MS4A8: variants seen among roughly 807,000 people sequenced by gnomAD.
MS4A8 encodes the protein membrane spanning 4-domains A8.
Under a neutral mutation model 23.7 loss-of-function variants are expected in MS4A8, and 27 were observed. That is an observed-to-expected ratio of 1.14 (90% CI 0.84 to 1.57). The LOEUF (loss-of-function observed/expected upper bound fraction) is 1.57, where lower values mean the gene tolerates loss of function less well. Among genes scored for constraint, MS4A8 ranks in the 40% most tolerant of loss-of-function variants. The pLI is 0.00. For missense variants in MS4A8, 301 were observed against 311.4 expected (o/e 0.97, Z 0.25); for synonymous variants, 138 against 126.3 (o/e 1.09, Z -0.62).
At chr11:60,714,518 AACC>A (rs2088325978) in intron 5 of MS4A8, among the ~76,000 whole-genome samples, 1 of 152,184 alleles carries the variant, frequency 6.6e-6, no homozygotes, top group Non-Finnish European at 1.5e-5. Context: ...GAGCCCAGCA[AACC>A]ACTGATTACT....
intron 3 of MS4A8, among the ~76,000 whole-genome samples, chr11:60,706,560 A>G (rs1023943190): frequency 5.9e-5 from 9 of 152,328 alleles, no homozygotes; most frequent in Admixed American, 5.2e-4. Flanking sequence ...TTGGAAAACA[A>G]TAGGGTGTAC....
intron 1 of MS4A8, among the ~76,000 whole-genome samples, chr11:60,700,335 C>T (rs1205772581): frequency 6.6e-6 from 1 of 152,194 alleles, no homozygotes; most frequent in Non-Finnish European, 1.5e-5. Context: ...CGCCTGAGGT[C>T]AGGAGTTCGA....
chr11:60,711,567 C>T (rs1055499996), intron 5 of MS4A8, among the ~76,000 whole-genome samples: 2 of 152,206 alleles, frequency 1.3e-5, no homozygotes, highest in Admixed American at 1.3e-4. Context: ...CTCTCACTCA[C>T]CCTGAACCCC....
rs35956659 is a variant in MS4A8, at chr11:60,703,441, G to C, written c.283G>C (p.Val95Leu). 71 of 1,607,270 alleles carry C rather than the reference G, an allele frequency of 4.4e-5. No individual in the cohort carries two copies. The highest frequency in any genetic ancestry group is 8.9e-5 in the South Asian group (8 of 89,722). ...GLGSIMATVLVGEYLSISFYG... is the reference protein window; with the variant it reads ...GLGSIMATVLLGEYLSISFYG... ...CGGCTCCATCATGGCGACGGTTCTC[G>C]TAGGGGAATACCTGTCTATTTCATT... is the stretch of plus-strand genomic sequence containing the variant. Residue 95 changes from valine to leucine, a missense_variant, in exon 3 of 7, where the codon GTA becomes CTA. By Grantham distance (32) the Val-to-Leu change is conservative. Transcript: ENST00000300226.
intron 4 of MS4A8, 85 bp downstream of exon 4, chr11:60,707,132 C>A: frequency 8.1e-7 from 1 of 1,228,872 alleles, no homozygotes; most frequent in Non-Finnish European, 1.2e-6. Context: ...ACATACGATT[C>A]CTCCCCCAGC....
chr11:60,706,251 C>T (rs1186839067), intron 3 of MS4A8, among the ~76,000 whole-genome samples: 1 of 152,314 alleles, frequency 6.6e-6, no homozygotes, highest in African/African-American at 2.4e-5. Flanking sequence ...CTCATGCCCT[C>T]TCATACCACT....
At chr11:60,713,293 G>C (rs2088314976) in intron 5 of MS4A8, among the ~76,000 whole-genome samples, 2 of 152,146 alleles carry the variant, frequency 1.3e-5, no homozygotes, top group South Asian at 4.2e-4. Context: ...AAGAAAAAGG[G>C]GGCCTAGGGG....
chr11:60,715,230 G>A, intron 6 of MS4A8, 80 bp from the exon 7 acceptor site: 1 of 1,490,218 alleles, frequency 6.7e-7, no homozygotes, highest in Non-Finnish European at 9.4e-7. Flanking sequence ...TCAGGAGCAG[G>A]AGTAGTTCCT....
At position 60,703,281 on chromosome 11, in the gene MS4A8, A is replaced by G. The variant is rs532717009; in HGVS notation, c.220-97A>G. Reference sequence around the variant, plus strand: ...TATTTCCCATATTACTTTTTAGACCATGAAAATAAAACATTTATTAAAATT... The same window carrying G: ...TATTTCCCATATTACTTTTTAGACCGTGAAAATAAAACATTTATTAAAATT... On this transcript the variant is annotated intron_variant, in intron 2 of 6. Coordinates refer to ENST00000300226, the MANE Select transcript of MS4A8 (RefSeq NM_031457.2). 5.5e-4 allele frequency: 745 copies of G among 1,349,844 alleles called. 1 individual carries two copies. Among genetic ancestry groups the G allele is most frequent in the Non-Finnish European group, 7.0e-4 (725 of 1,030,898 alleles). The allele number at this position is 1,349,844 out of a possible 1,614,324, so 83.6% of individuals were successfully genotyped here.
chr11:60,715,196 C>T (rs1316105871), intron 6 of MS4A8, 62 bp downstream of exon 6: 13 of 1,500,694 alleles, frequency 8.7e-6, no homozygotes, highest in Non-Finnish European at 1.2e-5. Flanking sequence ...GACAAGGGAG[C>T]TCTTTGTGCT....
Position 60,708,686 on chromosome 11 carries a change from A to G in MS4A8, c.439A>G (p.Ile147Val). The part of the protein sequence containing the change: ...GSLGLNIVSA[I>V]CSAVGVILFI... ...TTTGGGCTTGAACATCGTCAGTGCA[A>G]TCTGCTCTGCAGTTGGAGTCATACT... Residue 147 changes from isoleucine to valine, a missense_variant, in exon 5 of 7, where the codon ATC becomes GTC. By Grantham distance (29) the Ile-to-Val change is conservative (BLOSUM62 3). Coordinates refer to ENST00000300226, the MANE Select transcript of MS4A8 (RefSeq NM_031457.2). 1.9e-6 allele frequency: 3 copies of G among 1,589,128 alleles called. No homozygotes were observed. Among genetic ancestry groups the G allele is most frequent in the East Asian group, 2.3e-5 (1 of 44,070 alleles).
rs113160006 is a variant in MS4A8 at position 60,702,666 on chromosome 11, T to C, written c.220-712T>C. Among the ~76,000 whole-genome samples, 1,093 of 152,288 alleles carry C rather than the reference T, an allele frequency of 7.2e-3. 12 individuals are homozygous for C. Among genetic ancestry groups the C allele is most frequent in the African/African-American group, 0.024 (1,001 of 41,556 alleles). On this transcript the variant is annotated intron_variant, in intron 2 of 6. Transcript: ENST00000300226. ...CGCCCGTCTCAGCTTCCCAAAGTGC[T>C]GAGATTACAGGTGTGAGCCACTGTG...
At chr11:60,706,055 C>G (rs1364182292) in intron 3 of MS4A8, among the ~76,000 whole-genome samples, 1 of 152,086 alleles carries the variant, frequency 6.6e-6, no homozygotes, top group Admixed American at 6.5e-5. Context: ...TCTTTTGGGG[C>G]CGTTGCAAAT....
chr11:60,705,338 A>G (rs916967410), intron 3 of MS4A8, among the ~76,000 whole-genome samples: 1 of 152,262 alleles, frequency 6.6e-6, no homozygotes, highest in African/African-American at 2.4e-5. Context: ...ACCAAGTGCC[A>G]GTGAGCAGCA....
At chr11:60,707,845 T>C (rs2088270169) in intron 4 of MS4A8, among the ~76,000 whole-genome samples, 2 of 135,996 alleles carry the variant, frequency 1.5e-5, no homozygotes, top group Non-Finnish European at 3.1e-5. Context: ...TGTGTGTGTG[T>C]GTGAGACAGA....
chr11:60,709,688 G>A (rs763704237), intron 5 of MS4A8, among the ~76,000 whole-genome samples: 12 of 152,160 alleles, frequency 7.9e-5, no homozygotes, highest in Non-Finnish European at 1.6e-4. Context: ...TCCTCTGTCT[G>A]CGCAACTGAG....
In MS4A8 at chr11:60,700,982, C is replaced by A. The variant is rs143047257; in HGVS notation, c.122C>A (p.Pro41Gln). Residue 41 changes from proline (P) to glutamine (Q), a missense_variant, in exon 2 of 7, where the codon CCG (proline) becomes CAG (glutamine). Coordinates refer to ENST00000300226, the MANE Select transcript of MS4A8 (RefSeq NM_031457.2). ...GTGCCCCTGTATCCAAACAGCCAGC[C>A]GCAAGTCCACCTAGTTCCTGGGAAC... The part of the protein sequence containing the change: ...SHVPLYPNSQ[P>Q]QVHLVPGNPP... The A allele has an allele frequency of 6.2e-7, 1 of 1,614,190 alleles. No homozygotes were observed. The highest frequency in any genetic ancestry group is 8.5e-7 in the Non-Finnish European group (1 of 1,180,044).
intron 3 of MS4A8, among the ~76,000 whole-genome samples, chr11:60,704,849 CAT>C (rs57248297): frequency 2.6e-4 from 11 of 42,444 alleles, no homozygotes; most frequent in East Asian, 7.2e-4. Context: ...CACACACACA[CAT>C]ACAAACAAAC....
At chr11:60,704,855 A>T (rs60802475) in intron 3 of MS4A8, among the ~76,000 whole-genome samples, 6 of 6,714 alleles carry the variant, frequency 8.9e-4, no homozygotes, top group Admixed American at 1.9e-3. Context: ...CACACATACA[A>T]ACAAACACAC....
Sources: allele counts gnomAD v4.1 joint callset (sites outside exome capture counted in the v4.1 genomes callset), GRCh38; gene constraint gnomAD v4.1.1; transcripts MANE v1.5; gene names NCBI Gene and HGNC (gene_info 2026-07-23, HGNC 2026-07-21).